FKBP8: variants seen among roughly 807,000 people sequenced by gnomAD.
FKBP8 encodes the protein peptidyl-prolyl cis-trans isomerase FKBP8.
A neutral mutation model predicts 41.7 loss-of-function variants in FKBP8; 5 were observed. That is an observed-to-expected ratio of 0.12 (90% confidence interval 0.06 to 0.25). The LOEUF is 0.25. Among genes scored for constraint, FKBP8 ranks in the 10% least tolerant of loss-of-function variants. The pLI is 1.00. For synonymous variants in FKBP8, 279 were observed against 254.5 expected, an observed-to-expected ratio of 1.10 and a Z score of -0.92; for missense variants, 397 against 563.0, an observed-to-expected ratio of 0.71 and a Z score of 2.98.
intron 2 of FKBP8, among the ~76,000 whole-genome samples, chr19:18,541,255 T>C (rs1393159800): frequency 3.9e-5 from 6 of 152,194 alleles, no homozygotes; most frequent in South Asian, 2.1e-4. Flanking sequence ...TCTGATCCAC[T>C]TGACCCCAGA....
rs767904202 is a variant in FKBP8, at chr19:18,542,012, G to C, written c.-25-17C>G. ...GAATTGGCCCTGGAAGTGGGGGGCA[G>C]AGATGTGGGTCAGAATCCTACACAG... On this transcript the variant is annotated splice_polypyrimidine_tract_variant and intron_variant, in intron 1 of 8. Coordinates refer to ENST00000608443, the MANE Select transcript of FKBP8 (RefSeq NM_012181.5). 3.8e-6 allele frequency: 6 copies of C among 1,599,136 alleles called. No homozygotes were observed.
At position 18,539,705 on chromosome 19, in the gene FKBP8, C is replaced by T. The variant is rs199981346; in HGVS notation, c.308G>A (p.Arg103Lys). The T allele has an allele frequency of 6.8e-6, 11 of 1,608,246 alleles. No individual in the cohort carries two copies. Among genetic ancestry groups the T allele is most frequent in the Non-Finnish European group, 9.3e-6 (11 of 1,179,980 alleles). ...CGGCCCTGGGACCAGCGTCTTCTTC[C>T]TCAACAGCCCGTTCCCTGCCAGGGT... ...WLDILGNGLLRKKTLVPGPPG... is the reference protein window; with the variant it reads ...WLDILGNGLLKKKTLVPGPPG... The change falls in exon 3 of 9, where the codon AGG (arginine) becomes AAG (lysine). Residue 103 changes from arginine to lysine, a missense_variant. Physicochemically the swap from Arg to Lys is conservative, Grantham distance 26. This residue lies in a region of FKBP8 where 172 missense variants were observed against 196.2 expected (regional missense o/e 0.88). Transcript: ENST00000608443.
intron 2 of FKBP8, 141 bp from the exon 3 acceptor site, chr19:18,539,861 T>G: frequency 1.1e-6 from 1 of 949,324 alleles, no homozygotes; most frequent in Non-Finnish European, 1.6e-6. Flanking sequence ...CAAACCAAAC[T>G]TCCAATGGCC....
chr19:18,538,980 A>C lies in FKBP8; in HGVS notation c.551+391T>G, dbSNP rs538814964. ...CAGGCACCCACCACCACGCCTGGCT[A>C]ATTTTTTGTATTTTTAGTAGAGACG... On this transcript the variant is annotated intron_variant, in intron 4 of 8. Transcript: ENST00000608443. This position sits in a 1 kb window ranked among gnomAD's most constrained non-coding sequence, Gnocchi z 4.0. 1.3e-5 allele frequency among the ~76,000 whole-genome samples: 2 copies of C among 151,662 alleles called. No individual in the cohort carries two copies. The highest frequency in any genetic ancestry group is 4.8e-5 in the African/African-American group (2 of 41,336).
In FKBP8 at chr19:18,537,822, C is replaced by T; in HGVS notation, c.773-49G>A. 1.3e-6 allele frequency: 2 copies of T among 1,554,148 alleles called. No homozygotes were observed. The highest frequency in any genetic ancestry group is 3.4e-4 in the Middle Eastern group (2 of 5,810). ...CGGCAGCCGTCACCATGCCACCAGACACCCCGGCACCCACCCCTCTGCGGA... is the reference window on the plus strand; with the variant it reads ...CGGCAGCCGTCACCATGCCACCAGATACCCCGGCACCCACCCCTCTGCGGA... On this transcript the variant is annotated intron_variant, in intron 5 of 8. Coordinates refer to ENST00000608443, the MANE Select transcript of FKBP8 (RefSeq NM_012181.5). This position sits in a 1 kb window ranked among gnomAD's most constrained non-coding sequence, Gnocchi z 4.4.
At chr19:18,540,047 T>C (rs1298544824) in intron 2 of FKBP8, among the ~76,000 whole-genome samples, 2 of 151,912 alleles carry the variant, frequency 1.3e-5, no homozygotes, top group Non-Finnish European at 2.9e-5. Context: ...TTCCATCTAT[T>C]TGAGAGGCCA....
Position 18,539,468 on chromosome 19 carries a change from T to C in FKBP8, c.463-9A>G, listed in dbSNP as rs7247733. ...ACACTGAGATCCAGGGCCTGGGGTG[T>C]GTGGGGATAGCCAGCTGTCAGGCAG... On this transcript the variant is annotated splice_polypyrimidine_tract_variant and intron_variant, in intron 3 of 8. Transcript: ENST00000608443. 0.95 allele frequency: 1,539,548 copies of C among 1,613,122 alleles called. 735,035 individuals are homozygous for C. Among genetic ancestry groups the C allele is most frequent in the East Asian group, 1 (44,861 of 44,866 alleles).
At chr19:18,542,510 A>G (rs1345131330) in intron 1 of FKBP8, 1 of 179,744 alleles carries the variant, frequency 5.6e-6, no homozygotes, top group East Asian at 1.8e-4. Context: ...TGAATCTTTT[A>G]CCAGGGCCTC....
intron 7 of FKBP8, 70 bp from the exon 8 acceptor site, chr19:18,532,865 G>T: frequency 6.3e-7 from 1 of 1,585,270 alleles, no homozygotes. Flanking sequence ...TGCCTTACTG[G>T]GACCCTAGGC....
intron 6 of FKBP8, among the ~76,000 whole-genome samples, chr19:18,533,729 G>T (rs1976502686): frequency 6.6e-6 from 1 of 151,532 alleles, no homozygotes; most frequent in Non-Finnish European, 1.5e-5. Context: ...AAAAAGGGTC[G>T]GGCGCAGTGG....
At chr19:18,534,176 G>A (rs1976517098) in intron 6 of FKBP8, among the ~76,000 whole-genome samples, 1 of 150,864 alleles carries the variant, frequency 6.6e-6, no homozygotes, top group Non-Finnish European at 1.5e-5. Flanking sequence ...GCATGGTGGC[G>A]GGCGCCTGTA....
At position 18,537,684 on chromosome 19, in the gene FKBP8, G is replaced by C. The variant is rs11541424; in HGVS notation, c.862C>G (p.His288Asp). The C allele has an allele frequency of 6.2e-7, 1 of 1,613,834 alleles. No homozygotes were observed. The highest frequency in any genetic ancestry group is 1.3e-5 in the African/African-American group (1 of 74,932). The change falls in exon 6 of 9, where the codon CAC becomes GAC. Residue 288 changes from histidine to aspartate, a missense_variant. Physicochemically the swap from His to Asp is moderately conservative, Grantham distance 81. Transcript: ENST00000608443. The surrounding 1 kb of genome is among the most constrained non-coding windows in gnomAD (Gnocchi z 4.4). Reference sequence around the variant, plus strand: ...CAGGAGCGCAGGGCTGCGCGGTAGTGGTCGAGCTTCAGCTGCGAGGCCGCC... The same window carrying C: ...CAGGAGCGCAGGGCTGCGCGGTAGTCGTCGAGCTTCAGCTGCGAGGCCGCC... ...NLAASQLKLD[H>D]YRAALRSCSL...
intron 3 of FKBP8, 43 bp downstream of exon 3, chr19:18,539,508 A>C (rs1357118313): frequency 1.9e-6 from 3 of 1,611,388 alleles, no homozygotes. Flanking sequence ...AGACCCAGCA[A>C]GGCACGCCCC....
Position 18,537,582 on chromosome 19 carries a change from G to A in FKBP8, c.945+19C>T. The A allele has an allele frequency of 6.4e-7, 1 of 1,566,146 alleles. No individual in the cohort carries two copies. Among genetic ancestry groups the A allele is most frequent in the Non-Finnish European group, 8.7e-7 (1 of 1,153,598 alleles). On this transcript the variant is annotated intron_variant, in intron 6 of 8. Transcript: ENST00000608443. This position sits in a 1 kb window ranked among gnomAD's most constrained non-coding sequence, Gnocchi z 4.4. The stretch of plus-strand genomic sequence containing the variant: ...ACCCCAGGCTGAGTGACCCGGCCTG[G>A]CACCCCGGTGTGGCCTACCTTGCCC...
chr19:18,536,173 G>A (rs1181347925), intron 6 of FKBP8: 1 of 152,024 alleles, frequency 6.6e-6, no homozygotes, highest in East Asian at 1.9e-4. Flanking sequence ...CCCACCTCAG[G>A]CTTTTCAGAA....
rs1203725003 is a variant in FKBP8, at chr19:18,539,462, G to A, written c.463-3C>T. 2 of 1,613,268 alleles carry A rather than the reference G, an allele frequency of 1.2e-6. No individual in the cohort carries two copies. Among genetic ancestry groups the A allele is most frequent in the East Asian group, 2.2e-5 (1 of 44,884 alleles). On this transcript the variant is annotated splice_polypyrimidine_tract_variant and splice_region_variant and intron_variant, in intron 3 of 8. Coordinates refer to ENST00000608443, the MANE Select transcript of FKBP8 (RefSeq NM_012181.5). ...AGTGGGACACTGAGATCCAGGGCCT[G>A]GGGTGTGTGGGGATAGCCAGCTGTC...
Position 18,534,975 on chromosome 19 carries a change from G to A in FKBP8, c.946-1628C>T, listed in dbSNP as rs532218900. Among the ~76,000 whole-genome samples, 38 of 152,078 alleles carry A rather than the reference G, an allele frequency of 2.5e-4. No individual in the cohort carries two copies. The South Asian group carries it at 7.3e-3, about 29-fold the overall frequency. On this transcript the variant is annotated intron_variant, in intron 6 of 8. Transcript: ENST00000608443. The stretch of plus-strand genomic sequence containing the variant: ...AATTTTTGTATTTTTAGTAGAGACA[G>A]GGTTTTACCATGTTGGCCAGGCTGG...
Position 18,538,043 on chromosome 19 carries a change from G to A in FKBP8, c.772+173C>T. The A allele has an allele frequency of 5.3e-6, 4 of 749,562 alleles. No homozygotes were observed. Among genetic ancestry groups the A allele is most frequent in the Non-Finnish European group, 8.7e-6 (4 of 461,332 alleles). The allele number at this position is 749,562 out of a possible 1,614,324, so 46.4% of individuals were successfully genotyped here. A position where few individuals can be genotyped will look rare whatever the true frequency, so the allele number is the denominator to read the frequency against. ...GCATTCTACAACACTCCACTGGTCT[G>A]GGATATACCACGAGTCTGTAACAGG... On this transcript the variant is annotated intron_variant, in intron 5 of 8. Coordinates refer to ENST00000608443, the MANE Select transcript of FKBP8 (RefSeq NM_012181.5). This position sits in a 1 kb window ranked among gnomAD's most constrained non-coding sequence, Gnocchi z 4.0.
At chr19:18,536,767 T>C (rs1183461922) in intron 6 of FKBP8, among the ~76,000 whole-genome samples, 1 of 152,048 alleles carries the variant, frequency 6.6e-6, no homozygotes, top group Non-Finnish European at 1.5e-5. Flanking sequence ...TTGAGTAAGG[T>C]AGATGGACAA....
Sources: allele counts gnomAD v4.1 joint callset (sites outside exome capture counted in the v4.1 genomes callset), GRCh38; gene constraint gnomAD v4.1.1; regional missense constraint gnomAD v4.1.1; non-coding constraint Gnocchi (gnomAD v3.1); transcripts MANE v1.5; gene names NCBI Gene and HGNC (gene_info 2026-07-23, HGNC 2026-07-21).